The following CNTN5 variants were observed in gnomAD, a reference collection of about 807,000 sequenced individuals.
CNTN5 encodes contactin 5.
CNTN5 carries 77 observed loss-of-function variants against 129.1 expected under a neutral mutation model. That is an observed-to-expected ratio of 0.60 (90% CI 0.50 to 0.72). CNTN5 has a LOEUF of 0.72. CNTN5 is among the 30% of genes least tolerant of loss of function. CNTN5 has a pLI of 0.00. For missense variants in CNTN5, 1,478 were observed against 1,328.8 expected, an observed-to-expected ratio of 1.11 and a Z score of -1.75; for synonymous variants, 509 against 465.6, an observed-to-expected ratio of 1.09 and a Z score of -1.20.
chr11:99,961,006 C>T (rs1350344880), intron 8 of CNTN5, among the ~76,000 whole-genome samples: 7 of 151,850 alleles, frequency 4.6e-5, no homozygotes, highest in Admixed American at 4.6e-4. Context: ...AGTTCAAGAC[C>T]AACCCAACCA....
chr11:100,318,382 C>A (rs1031672188), intron 21 of CNTN5, among the ~76,000 whole-genome samples: 3 of 151,860 alleles, frequency 2.0e-5, no homozygotes, highest in African/African-American at 7.3e-5. Context: ...TCCTCAGTTT[C>A]ACTGTATTAT....
In CNTN5 at chr11:99,941,571, A is replaced by AACACACACACACACACACAC. The variant is rs71305315; in HGVS notation, c.674-15220_674-15219insCACACACACACACACACACA. Among the ~76,000 whole-genome samples the AACACACACACACACACACAC allele has an allele frequency of 8.2e-3, 1,223 of 148,336 alleles. 13 individuals are homozygous for AACACACACACACACACACAC. The highest frequency in any genetic ancestry group is 0.01 in the Non-Finnish European group (700 of 67,216). ...GTAATAGAGGTAAATACATAAGACA[A>AACACACACACACACACACAC]ACACACACACACACAAAGAGAAAGA... On this transcript the variant is annotated intron_variant, in intron 7 of 24. Coordinates refer to ENST00000524871, the MANE Select transcript of CNTN5 (RefSeq NM_014361.4).
At chr11:99,737,138 C>T (rs1184344200) in intron 3 of CNTN5, among the ~76,000 whole-genome samples, 1 of 146,016 alleles carries the variant, frequency 6.8e-6, no homozygotes, top group Non-Finnish European at 1.5e-5. Flanking sequence ...CATGCACACA[C>T]ACACAAACAC....
Position 99,222,110 on chromosome 11 carries a change from C to G in CNTN5, c.-209-103236C>G, listed in dbSNP as rs538904178. Among the ~76,000 whole-genome samples the G allele has an allele frequency of 1.5e-4, 23 of 151,870 alleles. 1 individual carries two copies. The South Asian group carries it at 4.8e-3, about 31-fold the overall frequency. ...TTTACAAAAATTTAGACTAAAGCAA[C>G]AAAAAATACCTATTGCTTGGTTTTT... On this transcript the variant is annotated intron_variant, in intron 1 of 24. Coordinates refer to ENST00000524871, the MANE Select transcript of CNTN5 (RefSeq NM_014361.4).
intron 1 of CNTN5, among the ~76,000 whole-genome samples, chr11:99,122,933 T>C (rs1284280048): frequency 6.6e-6 from 1 of 152,182 alleles, no homozygotes; most frequent in East Asian, 1.9e-4. Context: ...TATTTTTTAA[T>C]GCAGTCTACC....
chr11:100,183,657 T>A (rs1948207356), intron 13 of CNTN5, among the ~76,000 whole-genome samples: 1 of 152,130 alleles, frequency 6.6e-6, no homozygotes, highest in Admixed American at 6.6e-5. Flanking sequence ...AACACAGGGA[T>A]GCTTCTGAGG....
intron 2 of CNTN5, among the ~76,000 whole-genome samples, chr11:99,539,791 T>C (rs942988395): frequency 8.5e-5 from 13 of 152,172 alleles, no homozygotes; most frequent in Non-Finnish European, 1.5e-4. Flanking sequence ...TTTAAAGTGT[T>C]GTAGGAAATG....
At chr11:99,910,854 A>C (rs921068798) in intron 6 of CNTN5, among the ~76,000 whole-genome samples, 3 of 152,080 alleles carry the variant, frequency 2.0e-5, no homozygotes, top group Non-Finnish European at 4.4e-5. Context: ...ATTTGCATGG[A>C]ATGCAAAAAA....
intron 2 of CNTN5, among the ~76,000 whole-genome samples, chr11:99,358,346 G>A (rs1375054647): frequency 1.4e-5 from 2 of 140,764 alleles, no homozygotes; most frequent in East Asian, 2.2e-4. Context: ...CGCCAGCCTC[G>A]GCCTCCCAAA....
chr11:99,774,110 T>C (rs753225431), intron 3 of CNTN5, among the ~76,000 whole-genome samples: 3 of 152,070 alleles, frequency 2.0e-5, no homozygotes, highest in Admixed American at 2.0e-4. Context: ...TGACATTTTT[T>C]CCAAGTTCTA....
intron 1 of CNTN5, among the ~76,000 whole-genome samples, chr11:99,297,989 T>G (rs987951291): frequency 1.3e-5 from 2 of 152,038 alleles, no homozygotes; most frequent in African/African-American, 4.8e-5. Flanking sequence ...AGAAATTTGC[T>G]CAAAGAAACT....
chr11:99,234,804 C>G (rs1272500328), intron 1 of CNTN5, among the ~76,000 whole-genome samples: 5 of 152,052 alleles, frequency 3.3e-5, no homozygotes. Context: ...GAAACAATCA[C>G]TTGGTAAATA....
rs186400479 is a variant in CNTN5, at chr11:99,819,299, C to T, written c.56-245C>T. On this transcript the variant is annotated intron_variant, in intron 3 of 24. Coordinates refer to ENST00000524871, the MANE Select transcript of CNTN5 (RefSeq NM_014361.4). ...TTTCCTTTTCCCTCTCCTCTCCTCCCCTTCCCTCCCCTCTCCTCCCCTCCC... is the reference window on the plus strand; with the variant it reads ...TTTCCTTTTCCCTCTCCTCTCCTCCTCTTCCCTCCCCTCTCCTCCCCTCCC... 4.2e-3 allele frequency among the ~76,000 whole-genome samples: 153 copies of T among 36,516 alleles called. 6 individuals carry two copies. Among genetic ancestry groups the T allele is most frequent in the Middle Eastern group, 0.018 (2 of 110 alleles). The allele number at this position is 36,516 out of a possible 152,430, so 24.0% of individuals were successfully genotyped here. A position where few individuals can be genotyped will look rare whatever the true frequency, so the allele number is the denominator to read the frequency against.
At chr11:99,912,253 T>C (rs968506455) in intron 6 of CNTN5, among the ~76,000 whole-genome samples, 1 of 151,974 alleles carries the variant, frequency 6.6e-6, no homozygotes, top group African/African-American at 2.4e-5. Context: ...CATGTATTAA[T>C]AGCTCCCATT....
At chr11:99,585,298 CTCTT>C (rs1217688423) in intron 3 of CNTN5, among the ~76,000 whole-genome samples, 1 of 152,154 alleles carries the variant, frequency 6.6e-6, no homozygotes, top group Non-Finnish European at 1.5e-5. Context: ...CAATTCTTCT[CTCTT>C]TTTTGACTAC....
chr11:99,809,215 A>G (rs1224056564), intron 3 of CNTN5, among the ~76,000 whole-genome samples: 1 of 152,188 alleles, frequency 6.6e-6, no homozygotes, highest in Non-Finnish European at 1.5e-5. Context: ...AAATTCACTT[A>G]TAGCCCCAAT....
At chr11:99,620,397 T>C (rs1238187776) in intron 3 of CNTN5, among the ~76,000 whole-genome samples, 1 of 151,966 alleles carries the variant, frequency 6.6e-6, no homozygotes, top group Admixed American at 6.6e-5. Context: ...ATATAATATT[T>C]AATTATAAAT....
rs5794011 is a variant in CNTN5 at position 99,646,809 on chromosome 11, TAA to T, written c.55+90557_55+90558del. Among the ~76,000 whole-genome samples the T allele has an allele frequency of 6.4e-3, 839 of 131,756 alleles. 2 individuals are homozygous for T. The highest frequency in any genetic ancestry group is 0.015 in the African/African-American group (542 of 35,682). The allele number at this position is 131,756 out of a possible 152,430, so 86.4% of individuals were successfully genotyped here. A position where few individuals can be genotyped will look rare whatever the true frequency, so the allele number is the denominator to read the frequency against. On this transcript the variant is annotated intron_variant, in intron 3 of 24. Coordinates refer to ENST00000524871, the MANE Select transcript of CNTN5 (RefSeq NM_014361.4). ...GAAGCACTTCATCAATGTCAATTCTTAAAAAAAAAAAAAAAAAAGGAAAAAAA... is the reference window on the plus strand; with the variant it reads ...GAAGCACTTCATCAATGTCAATTCTTAAAAAAAAAAAAAAAAGGAAAAAAA...
intron 1 of CNTN5, among the ~76,000 whole-genome samples, chr11:99,250,629 C>T (rs574286848): frequency 2.6e-5 from 4 of 151,706 alleles, no homozygotes; most frequent in South Asian, 2.1e-4. Flanking sequence ...AGATTTTGTT[C>T]CACAGGGATT....
Sources: allele counts gnomAD v4.1 joint callset (sites outside exome capture counted in the v4.1 genomes callset), GRCh38; gene constraint gnomAD v4.1.1; transcripts MANE v1.5; gene names NCBI Gene and HGNC (gene_info 2026-07-23, HGNC 2026-07-21).